Variants in ARHGAP28 observed in about 807,000 individuals in gnomAD.
ARHGAP28 encodes rho GTPase-activating protein 28.
A neutral mutation model predicts 90.7 loss-of-function variants in ARHGAP28; 56 were observed. That is an observed-to-expected ratio of 0.62 (90% CI 0.50 to 0.77). ARHGAP28 has a LOEUF of 0.77. Among genes scored for constraint, ARHGAP28 ranks in the 30% least tolerant of loss-of-function variants. The probability of loss-of-function intolerance (pLI) is 0.00; values close to 1 mark genes in which losing one functional copy is unlikely to be tolerated. For missense variants in ARHGAP28, 869 were observed against 900.9 expected, an observed-to-expected ratio of 0.96 and a Z score of 0.45; for synonymous variants, 308 against 323.3, an observed-to-expected ratio of 0.95 and a Z score of 0.51.
chr18:6,827,658 C>T (rs1242706141), intron 2 of ARHGAP28, among the ~76,000 whole-genome samples: 2 of 151,048 alleles, frequency 1.3e-5, no homozygotes, highest in African/African-American at 4.9e-5. Flanking sequence ...CCCCACCTCC[C>T]TCCTGGATGG....
chr18:6,860,842 T>G (rs1324981097), intron 5 of ARHGAP28, among the ~76,000 whole-genome samples: 1 of 152,218 alleles, frequency 6.6e-6, no homozygotes, highest in Non-Finnish European at 1.5e-5. Flanking sequence ...TATGAGTGAC[T>G]TTTATCATTG....
chr18:6,815,631 G>A (rs2056585147), intron 1 of ARHGAP28, among the ~76,000 whole-genome samples: 1 of 151,924 alleles, frequency 6.6e-6, no homozygotes, highest in Non-Finnish European at 1.5e-5. Flanking sequence ...ACAAAGATGG[G>A]GAAATTTAAG....
At chr18:6,795,226 T>G (rs917555652) in intron 1 of ARHGAP28, among the ~76,000 whole-genome samples, 1 of 152,126 alleles carries the variant, frequency 6.6e-6, no homozygotes, top group Non-Finnish European at 1.5e-5. Context: ...GCAACGCGTT[T>G]TCATTGATTC....
chr18:6,783,514 T>C (rs1268595419), intron 1 of ARHGAP28, among the ~76,000 whole-genome samples: 1 of 142,446 alleles, frequency 7.0e-6, no homozygotes, highest in East Asian at 1.9e-4. Flanking sequence ...TTGGTCAGGC[T>C]GGTCTTGAAC....
chr18:6,844,550 C>T (rs2056851662), intron 3 of ARHGAP28, among the ~76,000 whole-genome samples: 1 of 152,148 alleles, frequency 6.6e-6, no homozygotes, highest in Admixed American at 6.5e-5. Flanking sequence ...TGAATGTACA[C>T]ATATTATACA....
rs1315145364 is a variant in ARHGAP28 at position 6,841,157 on chromosome 18, T to TTC, written c.543+3752_543+3753dup. ...TCCTCTCTCACTGTCTCTCTCCTCTTTCTCTCTCTCCTCTCTCTCTCTCCT... is the reference window on the plus strand; with the variant it reads ...TCCTCTCTCACTGTCTCTCTCCTCTTTCTCTCTCTCTCCTCTCTCTCTCTCCT... On this transcript the variant is annotated intron_variant, in intron 3 of 17. Coordinates refer to ENST00000383472, the MANE Select transcript of ARHGAP28 (RefSeq NM_001366230.1). 1.4e-4 allele frequency among the ~76,000 whole-genome samples: 10 copies of TTC among 70,308 alleles called. 1 individual carries two copies. The highest frequency in any genetic ancestry group is 4.8e-4 in the African/African-American group (8 of 16,556). 46.1% of individuals were successfully genotyped at this position (70,308 alleles called of 152,430 possible).
intron 4 of ARHGAP28, among the ~76,000 whole-genome samples, chr18:6,858,908 TGTATA>T (rs2056975523): frequency 6.6e-6 from 1 of 152,080 alleles, no homozygotes; most frequent in African/African-American, 2.4e-5. Context: ...TGTAAAATAA[TGTATA>T]GTATCTCTAG....
intron 16 of ARHGAP28, among the ~76,000 whole-genome samples, chr18:6,907,264 A>G (rs548577478): frequency 1.7e-4 from 26 of 152,318 alleles, no homozygotes; most frequent in African/African-American, 5.8e-4. Context: ...TTAAAAAACT[A>G]AATCTCCAAC....
chr18:6,749,210 A>G (rs1211411264), intron 1 of ARHGAP28, among the ~76,000 whole-genome samples: 2 of 152,242 alleles, frequency 1.3e-5, no homozygotes, highest in East Asian at 3.8e-4. Flanking sequence ...GCCATAGTAT[A>G]CTAAAAATAG....
At chr18:6,907,861 A>C (rs960962424) in intron 16 of ARHGAP28, among the ~76,000 whole-genome samples, 6 of 152,176 alleles carry the variant, frequency 3.9e-5, no homozygotes, top group African/African-American at 1.4e-4. Flanking sequence ...CTACGTGTGA[A>C]TCTACAGCAC....
At position 6,804,036 on chromosome 18, in the gene ARHGAP28, CCCAAAGTG is replaced by C. The variant is rs1235415151; in HGVS notation, c.123-20724_123-20717del. Among the ~76,000 whole-genome samples, 4 of 152,332 alleles carry C rather than the reference CCCAAAGTG, an allele frequency of 2.6e-5. No individual in the cohort carries two copies. The South Asian group carries it at 8.3e-4, about 32-fold the overall frequency. On this transcript the variant is annotated intron_variant, in intron 1 of 17. Coordinates refer to ENST00000383472, the MANE Select transcript of ARHGAP28 (RefSeq NM_001366230.1). ...CCTTGTGATCCACCTGCCTCGGCCT[CCCAAAGTG>C]CTGGGATTACAGGCGTGAGCCACCA...
rs768382085 is a variant in ARHGAP28 at position 6,912,766 on chromosome 18, T to C, written c.*612T>C. On this transcript the variant is annotated 3_prime_UTR_variant, in exon 18 of 18. Transcript: ENST00000383472. ...TATGTCAGGCTGTGTATTGTGACTA[T>C]CAGCATTCTGGTGCAAATGAACTTT... 1.3e-5 allele frequency: 2 copies of C among 152,218 alleles called. No homozygotes were observed. Among genetic ancestry groups the C allele is most frequent in the Non-Finnish European group, 2.9e-5 (2 of 68,026 alleles). The allele number at this position is 152,218 out of a possible 1,614,324, so 9.4% of individuals were successfully genotyped here.
At chr18:6,875,749 T>C (rs1236501304) in intron 9 of ARHGAP28, among the ~76,000 whole-genome samples, 2 of 152,216 alleles carry the variant, frequency 1.3e-5, no homozygotes, top group Non-Finnish European at 2.9e-5. Flanking sequence ...GTCAGAGTGA[T>C]TGCAACCAAT....
At chr18:6,894,158 T>C (rs2057287986) in intron 14 of ARHGAP28, among the ~76,000 whole-genome samples, 1 of 152,152 alleles carries the variant, frequency 6.6e-6, no homozygotes, top group South Asian at 2.1e-4. Context: ...TGAGCCACCA[T>C]GCCCAGCCAC....
chr18:6,739,645 T>TTCTCTCTCTCTC (rs138884918), intron 1 of ARHGAP28, among the ~76,000 whole-genome samples: 123 of 145,044 alleles, frequency 8.5e-4, no homozygotes, highest in African/African-American at 3.0e-3. Flanking sequence ...TGACTAAGCT[T>TTCTCTCTCTCTC]TCTCTCTCTC....
intron 1 of ARHGAP28, among the ~76,000 whole-genome samples, chr18:6,751,032 C>A (rs1451827479): frequency 6.6e-6 from 1 of 152,122 alleles, no homozygotes; most frequent in African/African-American, 2.4e-5. Context: ...TACCCCTGCA[C>A]TGGACTGCAG....
At chr18:6,802,037 A>G (rs2056485715) in intron 1 of ARHGAP28, among the ~76,000 whole-genome samples, 1 of 152,102 alleles carries the variant, frequency 6.6e-6, no homozygotes, top group South Asian at 2.1e-4. Flanking sequence ...GGCTTATTTC[A>G]TTTAACATAA....
At chr18:6,813,562 T>G (rs776180059) in intron 1 of ARHGAP28, among the ~76,000 whole-genome samples, 1 of 152,196 alleles carries the variant, frequency 6.6e-6, no homozygotes, top group Non-Finnish European at 1.5e-5. Context: ...ATAGTAAAAA[T>G]ATACTCAATT....
At chr18:6,752,702 C>T (rs1448767641) in intron 1 of ARHGAP28, among the ~76,000 whole-genome samples, 1 of 152,108 alleles carries the variant, frequency 6.6e-6, no homozygotes, top group African/African-American at 2.4e-5. Context: ...CAGTTCTTGC[C>T]TGGGAGTGCT....
Sources: allele counts gnomAD v4.1 joint callset (sites outside exome capture counted in the v4.1 genomes callset), GRCh38; gene constraint gnomAD v4.1.1; transcripts MANE v1.5; gene names NCBI Gene and HGNC (gene_info 2026-07-23, HGNC 2026-07-21).